ZNF560: variants seen among roughly 807,000 people sequenced by gnomAD.
ZNF560 encodes zinc finger protein 560.
A neutral mutation model predicts 81.8 loss-of-function variants in ZNF560; 54 were observed. That is an observed-to-expected ratio of 0.66 (90% CI 0.53 to 0.83). The LOEUF is 0.83. Among genes scored for constraint, ZNF560 ranks in the 40% least tolerant of loss-of-function variants. The pLI, the probability that ZNF560 is intolerant of heterozygous loss-of-function variation, is 0.00. For missense variants in ZNF560, 940 were observed against 932.4 expected, an observed-to-expected ratio of 1.01 and a Z score of -0.11; for synonymous variants, 321 against 317.9, an observed-to-expected ratio of 1.01 and a Z score of -0.10.
chr19:9,474,817 C>T (rs964948779), intron 3 of ZNF560, among the ~76,000 whole-genome samples: 4 of 145,708 alleles, frequency 2.7e-5, no homozygotes, highest in South Asian at 2.2e-4. Flanking sequence ...CACCACCATG[C>T]CTGGCATTTT....
intron 6 of ZNF560, 125 bp from the exon 7 acceptor site, chr19:9,470,643 G>A: frequency 7.6e-7 from 1 of 1,322,382 alleles, no homozygotes; most frequent in Non-Finnish European, 1.1e-6. Context: ...TACACCCCAA[G>A]GTTCAGTGGC....
chr19:9,469,234 G>T, intron 8 of ZNF560, 47 bp from the exon 9 acceptor site: 8 of 1,398,670 alleles, frequency 5.7e-6, no homozygotes, highest in Non-Finnish European at 7.8e-6. Flanking sequence ...ACATGAAATG[G>T]TAGGTTAAAT....
At chr19:9,463,499 G>A (rs1246507479), downstream of ZNF560, among the ~76,000 whole-genome samples, 1 of 152,194 alleles carries the variant, frequency 6.6e-6, no homozygotes, top group Non-Finnish European at 1.5e-5. Flanking sequence ...GACAGTCTGT[G>A]AGGTGACAGA....
At chr19:9,482,238 C>T (rs2073300804) in intron 2 of ZNF560, among the ~76,000 whole-genome samples, 1 of 151,634 alleles carries the variant, frequency 6.6e-6, no homozygotes, top group Admixed American at 6.6e-5. Flanking sequence ...AACACTTGGA[C>T]ACAGGGTGGG....
chr19:9,503,616 C>G (rs2073648972), upstream of ZNF560, among the ~76,000 whole-genome samples: 2 of 152,178 alleles, frequency 1.3e-5, no homozygotes, highest in South Asian at 4.1e-4. Context: ...CTTACTGCAG[C>G]CTCAACCAAC....
At chr19:9,475,435 G>C (rs912723053) in intron 2 of ZNF560, 66 bp from the exon 3 acceptor site, 18 of 896,888 alleles carry the variant, frequency 2.0e-5, no homozygotes, top group Non-Finnish European at 2.8e-5. Context: ...ATGCATGGAA[G>C]TTATTCCAAC....
upstream of ZNF560, among the ~76,000 whole-genome samples, chr19:9,500,239 G>T (rs995674860): frequency 6.6e-6 from 1 of 151,828 alleles, no homozygotes; most frequent in Non-Finnish European, 1.5e-5. Flanking sequence ...CAAAAAATTA[G>T]CCAGGCGTGG....
downstream of ZNF560, among the ~76,000 whole-genome samples, chr19:9,461,514 G>C (rs2335941): frequency 0.1 from 15,475 of 152,154 alleles, 920 homozygotes; most frequent in South Asian, 0.2. Context: ...CACAGCTACT[G>C]CTGCAGTAGC....
the ZNF560 span, among the ~76,000 whole-genome samples, chr19:9,452,959 A>T: frequency 1.3e-5 from 2 of 152,152 alleles, no homozygotes; most frequent in Non-Finnish European, 2.9e-5. Flanking sequence ...AAACTAACAA[A>T]ATAGAACACT....
intron 2 of ZNF560, among the ~76,000 whole-genome samples, chr19:9,486,114 A>C (rs1216730201): frequency 6.6e-6 from 1 of 152,202 alleles, no homozygotes; most frequent in Non-Finnish European, 1.5e-5. Context: ...TTCAAATCAC[A>C]GTCACTTGTA....
upstream of ZNF560, among the ~76,000 whole-genome samples, chr19:9,501,326 T>TG (rs2073631081): frequency 8.3e-5 from 9 of 107,948 alleles, no homozygotes; most frequent in South Asian, 3.5e-4. Context: ...GCCTGGCTAC[T>TG]TTGTGTGTGT....
In ZNF560 at chr19:9,470,481, G is replaced by A. The variant is rs774577571; in HGVS notation, c.359C>T (p.Thr120Ile). 48 of 1,614,156 alleles carry A rather than the reference G, an allele frequency of 3.0e-5. No individual in the cohort carries two copies. The highest frequency in any genetic ancestry group is 4.0e-5 in the Non-Finnish European group (47 of 1,180,032). ...GTCCAGTAAAGTCCACTCTTCCTGG[G>A]TGAACTCCACAGCCACACTGTCAAA... is the stretch of plus-strand genomic sequence containing the variant. ...VTFDSVAVEF[T>I]QEEWTLLDPA... The change falls in exon 7 of 10, where the codon ACC becomes ATC. Residue 120 changes from threonine (T) to isoleucine (I), a missense_variant. Coordinates refer to ENST00000301480, the MANE Select transcript of ZNF560 (RefSeq NM_152476.3).
the ZNF560 span, among the ~76,000 whole-genome samples, chr19:9,450,715 A>G: frequency 6.6e-6 from 1 of 152,058 alleles, no homozygotes; most frequent in Admixed American, 6.6e-5. Context: ...TTTTTAGTAG[A>G]GACAGGGTTT....
chr19:9,495,738 A>G (rs1375433992), intron 2 of ZNF560, among the ~76,000 whole-genome samples: 1 of 152,162 alleles, frequency 6.6e-6, no homozygotes, highest in Non-Finnish European at 1.5e-5. Context: ...GAAAGAAAAG[A>G]AAGAAAGAAC....
chr19:9,448,260 T>A, the ZNF560 span, among the ~76,000 whole-genome samples: 2 of 152,012 alleles, frequency 1.3e-5, no homozygotes, highest in Non-Finnish European at 2.9e-5. Context: ...TTCAGACATT[T>A]CACTCTTGTT....
chr19:9,467,723 T>C lies in ZNF560; in HGVS notation c.1224A>G (p.Glu408=), dbSNP rs2073051691. 1 of 1,614,114 alleles carries C rather than the reference T, an allele frequency of 6.2e-7. No individual in the cohort carries two copies. Among genetic ancestry groups the C allele is most frequent in the Non-Finnish European group, 8.5e-7 (1 of 1,180,006 alleles). ...CAGATGTACCAAAGGCTTTACCACA[T>C]TCCTTACACCCATAGGGCTTCTCTC... ...HTGEKPYGCK[E]CGKAFGTSAG... is the part of the protein sequence containing the mutation. The change falls in exon 10 of 10, where the codon GAA becomes GAG. Residue 408 remains glutamate, a synonymous_variant. Coordinates refer to ENST00000301480, the MANE Select transcript of ZNF560 (RefSeq NM_152476.3).
chr19:9,488,238 G>A (rs1416812685), intron 2 of ZNF560, among the ~76,000 whole-genome samples: 2 of 152,158 alleles, frequency 1.3e-5, no homozygotes, highest in Non-Finnish European at 2.9e-5. Context: ...CGCAACACGT[G>A]AGCCTCATCA....
At chr19:9,477,572 C>T (rs139716721) in intron 2 of ZNF560, among the ~76,000 whole-genome samples, 28 of 152,320 alleles carry the variant, frequency 1.8e-4, no homozygotes, top group Middle Eastern at 3.4e-3. Flanking sequence ...CTGAAGTTAG[C>T]GTTCAGAGTT....
intron 2 of ZNF560, among the ~76,000 whole-genome samples, chr19:9,495,982 A>T (rs1216064349): frequency 6.6e-6 from 1 of 152,242 alleles, no homozygotes; most frequent in Non-Finnish European, 1.5e-5. Context: ...AGAAACTGCC[A>T]AATGGTACAA....
Sources: allele counts gnomAD v4.1 joint callset (sites outside exome capture counted in the v4.1 genomes callset), GRCh38; gene constraint gnomAD v4.1.1; transcripts MANE v1.5; gene names NCBI Gene and HGNC (gene_info 2026-07-23, HGNC 2026-07-21).